TLE4: variants seen among roughly 807,000 people sequenced by gnomAD.
TLE4 encodes transducin-like enhancer protein 4.
Under a neutral mutation model 92.8 loss-of-function variants are expected in TLE4, and 8 were observed. The observed-to-expected ratio is 0.09, with a 90% CI of 0.05 to 0.16. TLE4 has a LOEUF of 0.16. TLE4 is among the 10% of genes least tolerant of loss of function. The pLI, the probability that TLE4 is intolerant of heterozygous loss-of-function variation, is 1.00. For synonymous variants in TLE4, 371 were observed against 374.1 expected, an observed-to-expected ratio of 0.99 and a Z score of 0.10; for missense variants, 675 against 997.6, an observed-to-expected ratio of 0.68 and a Z score of 4.36.
intron 4 of TLE4, among the ~76,000 whole-genome samples, chr9:79,578,818 G>A (rs2038764876): frequency 6.9e-6 from 1 of 145,750 alleles, no homozygotes; most frequent in South Asian, 2.1e-4. Context: ...CATTAGTCTG[G>A]TAGAATTAGT....
intron 4 of TLE4, among the ~76,000 whole-genome samples, chr9:79,590,321 T>C (rs1216258419): frequency 2.6e-5 from 4 of 152,224 alleles, no homozygotes; most frequent in African/African-American, 4.8e-5. Context: ...AATTCCAATG[T>C]GTGCTTCTTA....
chr9:79,598,286 G>A (rs2044614326), intron 4 of TLE4, among the ~76,000 whole-genome samples: 1 of 150,932 alleles, frequency 6.6e-6, no homozygotes, highest in African/African-American at 2.4e-5. Flanking sequence ...GACTCACTAC[G>A]AGTAATGCAA....
At chr9:79,720,664 T>A (rs1039321911) in intron 16 of TLE4, among the ~76,000 whole-genome samples, 1 of 152,138 alleles carries the variant, frequency 6.6e-6, no homozygotes, top group African/African-American at 2.4e-5. Context: ...CATGGACATC[T>A]GTAATTTGCC....
rs753168894 is a variant in TLE4 at position 79,708,184 on chromosome 9, C to T, written c.1003C>T (p.Pro335Ser). 1.9e-6 allele frequency: 3 copies of T among 1,614,134 alleles called. No individual in the cohort carries two copies. The highest frequency in any genetic ancestry group is 2.5e-6 in the Non-Finnish European group (3 of 1,179,986). Residue 335 changes from proline (P) to serine (S), a missense_variant, in exon 12 of 20, where the codon CCA becomes TCA. Pro to Ser is a moderately conservative substitution (Grantham distance 74). Transcript: ENST00000376552. Reference sequence around the variant, plus strand: ...TACTCCACGAACTGATGCGCCCACCCCAGGCAGTAACTCTACTCCCGGATT... The same window carrying T: ...TACTCCACGAACTGATGCGCCCACCTCAGGCAGTAACTCTACTCCCGGATT... ...TPTPRTDAPT[P>S]GSNSTPGLRP...
chr9:79,651,600 A>G lies in TLE4; in HGVS notation c.391-993A>G, dbSNP rs187929969. 2.3e-3 allele frequency among the ~76,000 whole-genome samples: 343 copies of G among 152,334 alleles called. 2 individuals are homozygous for G. The highest frequency in any genetic ancestry group is 8.0e-3 in the African/African-American group (333 of 41,572). On this transcript the variant is annotated intron_variant, in intron 6 of 19. Coordinates refer to ENST00000376552, the MANE Select transcript of TLE4 (RefSeq NM_007005.6). ...GGGCAGGCCTCTAGCTTTTCATTCG[A>G]GCATCACTAAACGTGCACAGAGTGC...
At chr9:79,710,469 A>G (rs1381422572) in intron 14 of TLE4, among the ~76,000 whole-genome samples, 1 of 151,900 alleles carries the variant, frequency 6.6e-6, no homozygotes, top group Non-Finnish European at 1.5e-5. Flanking sequence ...CATTTTTCTC[A>G]TCACTCTTTC....
intron 5 of TLE4, among the ~76,000 whole-genome samples, chr9:79,626,657 C>T (rs2052690823): frequency 6.6e-6 from 1 of 152,166 alleles, no homozygotes; most frequent in Non-Finnish European, 1.5e-5. Flanking sequence ...TCAGTTCTTA[C>T]TTATTCTCAC....
At chr9:79,596,266 C>T (rs559768613) in intron 4 of TLE4, among the ~76,000 whole-genome samples, 3 of 152,204 alleles carry the variant, frequency 2.0e-5, no homozygotes, top group South Asian at 2.1e-4. Flanking sequence ...AAGCCTGCCT[C>T]GCCTCCTCCT....
intron 4 of TLE4, 164 bp downstream of exon 4, chr9:79,576,341 C>T (rs990706738): frequency 2.0e-5 from 8 of 407,142 alleles, no homozygotes; most frequent in African/African-American, 1.4e-4. Context: ...GGCTCCCCAT[C>T]TTTCTTTCAT....
chr9:79,607,025 C>G (rs1339637774), intron 4 of TLE4, among the ~76,000 whole-genome samples: 1 of 152,196 alleles, frequency 6.6e-6, no homozygotes, highest in East Asian at 1.9e-4. Context: ...TCCACATCAT[C>G]TCCAGCACCT....
chr9:79,709,347 A>G (rs768022881), intron 13 of TLE4, among the ~76,000 whole-genome samples: 5 of 152,198 alleles, frequency 3.3e-5, no homozygotes, highest in Non-Finnish European at 7.3e-5. Context: ...ACAGAATTAG[A>G]TCACATAGTA....
chr9:79,698,694 C>T (rs1326512382), intron 8 of TLE4, among the ~76,000 whole-genome samples: 1 of 151,996 alleles, frequency 6.6e-6, no homozygotes, highest in Non-Finnish European at 1.5e-5. Flanking sequence ...TCAGTCAGAG[C>T]TCTACTATAT....
At chr9:79,658,159 G>A (rs1028239665) in intron 8 of TLE4, among the ~76,000 whole-genome samples, 2 of 152,122 alleles carry the variant, frequency 1.3e-5, no homozygotes, top group Non-Finnish European at 2.9e-5. Flanking sequence ...TTAGTGACTT[G>A]TGCAGTGCCA....
intron 8 of TLE4, among the ~76,000 whole-genome samples, chr9:79,691,514 A>G (rs1192353593): frequency 1.3e-5 from 2 of 152,082 alleles, no homozygotes; most frequent in East Asian, 3.9e-4. Flanking sequence ...AGTGGCCCTT[A>G]GAATAAAACA....
Position 79,706,774 on chromosome 9 carries a change from G to C in TLE4, c.811G>C (p.Ala271Pro). ...TCCATCTTCCCCTCGAGGGAGCCCAGCACATTCCCCCAGAGAGAATGGCCT... is the reference window on the plus strand; with the variant it reads ...TCCATCTTCCCCTCGAGGGAGCCCACCACATTCCCCCAGAGAGAATGGCCT... ...EDPSSPRGSPAHSPRENGLDK... is the reference protein window; with the variant it reads ...EDPSSPRGSPPHSPRENGLDK... Residue 271 changes from alanine to proline, a missense_variant, in exon 11 of 20, where the codon GCA becomes CCA. Physicochemically the swap from Ala to Pro is conservative, Grantham distance 27. Transcript: ENST00000376552. 6.2e-7 allele frequency: 1 copy of C among 1,614,002 alleles called. No homozygotes were observed. The highest frequency in any genetic ancestry group is 8.5e-7 in the Non-Finnish European group (1 of 1,179,982).
chr9:79,653,638 C>T (rs892652503), intron 7 of TLE4, among the ~76,000 whole-genome samples: 2 of 152,164 alleles, frequency 1.3e-5, no homozygotes, highest in African/African-American at 2.4e-5. Context: ...AAAGCTCATA[C>T]CCCTGTTTCA....
intron 8 of TLE4, among the ~76,000 whole-genome samples, chr9:79,680,660 T>C (rs2064334407): frequency 6.6e-6 from 1 of 152,180 alleles, no homozygotes; most frequent in Non-Finnish European, 1.5e-5. Context: ...CTTCCAACAC[T>C]ATGTTGACTA....
chr9:79,689,439 G>C (rs556857430), intron 8 of TLE4, among the ~76,000 whole-genome samples: 1 of 151,748 alleles, frequency 6.6e-6, no homozygotes, highest in African/African-American at 2.4e-5. Context: ...ACCACAGTTT[G>C]CTTAATACCT....
intron 1 of TLE4, 112 bp from the exon 2 acceptor site, chr9:79,573,577 C>T (rs2036610016): frequency 1.1e-6 from 1 of 924,780 alleles, no homozygotes; most frequent in Non-Finnish European, 1.6e-6. Context: ...TCTCTCTTTG[C>T]TTGCGTGCGC....
Sources: gnomAD v4.1 joint callset for allele counts (sites outside exome capture counted in the v4.1 genomes callset) on GRCh38, gnomAD v4.1.1 for gene constraint, MANE v1.5 for transcripts, NCBI Gene and HGNC (gene_info 2026-07-23, HGNC 2026-07-21) for gene names.